Variants in ROBO2 observed in about 807,000 individuals in gnomAD.
ROBO2 encodes the protein roundabout homolog 2.
Under a neutral mutation model 160.8 loss-of-function variants are expected in ROBO2, and 53 were observed. The observed-to-expected ratio is 0.33, with a 90% CI of 0.26 to 0.41. The LOEUF is 0.41. Ranked by LOEUF, ROBO2 falls within the 10% of genes least tolerant of loss-of-function variation. ROBO2 has a pLI of 1.00. For synonymous variants in ROBO2, 664 were observed against 611.7 expected (o/e 1.09, Z -1.26); for missense variants, 1,577 against 1,722.4 (o/e 0.92, Z 1.49).
chr3:76,521,028 T>G (rs559802957), intron 2 of ROBO2, among the ~76,000 whole-genome samples: 2 of 150,818 alleles, frequency 1.3e-5, no homozygotes, highest in Non-Finnish European at 2.9e-5. Context: ...AAAAAACAGT[T>G]GCAACAAAAA....
chr3:77,167,360 T>C (rs1017608828), intron 2 of ROBO2, among the ~76,000 whole-genome samples: 13 of 152,166 alleles, frequency 8.5e-5, no homozygotes, highest in Non-Finnish European at 1.0e-4. Context: ...GTAGAAAATA[T>C]AGTATAAAAA....
chr3:76,994,121 A>G (rs2060854159), intron 2 of ROBO2, among the ~76,000 whole-genome samples: 1 of 151,846 alleles, frequency 6.6e-6, no homozygotes, highest in African/African-American at 2.4e-5. Context: ...AAAGCTGGTA[A>G]ATGAGTGCAC....
intron 2 of ROBO2, among the ~76,000 whole-genome samples, chr3:76,399,621 G>A (rs1015779736): frequency 6.6e-6 from 1 of 151,680 alleles, no homozygotes; most frequent in African/African-American, 2.4e-5. Context: ...GTGGAAAAGA[G>A]ATGCAAAAGC....
intron 2 of ROBO2, among the ~76,000 whole-genome samples, chr3:76,402,162 G>C (rs1014377077): frequency 2.0e-5 from 3 of 151,360 alleles, no homozygotes; most frequent in Admixed American, 6.6e-5. Flanking sequence ...ATTTATTTCT[G>C]TTTGCCTAAA....
At chr3:77,454,216 A>G (rs2081391613) in intron 2 of ROBO2, among the ~76,000 whole-genome samples, 1 of 151,420 alleles carries the variant, frequency 6.6e-6, no homozygotes, top group South Asian at 2.1e-4. Flanking sequence ...TGATATTTTA[A>G]TGGTTACTGT....
At chr3:76,441,766 T>C (rs564713300) in intron 2 of ROBO2, among the ~76,000 whole-genome samples, 1 of 152,202 alleles carries the variant, frequency 6.6e-6, no homozygotes, top group Non-Finnish European at 1.5e-5. Flanking sequence ...AATTTTCATG[T>C]TAATAATAAG....
chr3:75,982,538 T>G (rs2065307855), intron 2 of ROBO2, among the ~76,000 whole-genome samples: 1 of 151,676 alleles, frequency 6.6e-6, no homozygotes, highest in Non-Finnish European at 1.5e-5. Context: ...GTTGAACATC[T>G]TTTCATAGGC....
At chr3:76,322,381 C>A (rs1440158274) in intron 2 of ROBO2, among the ~76,000 whole-genome samples, 1 of 151,490 alleles carries the variant, frequency 6.6e-6, no homozygotes, top group African/African-American at 2.4e-5. Context: ...ATCATTTTTA[C>A]AGACATTTCA....
At chr3:77,295,680 G>C (rs1259422687) in intron 2 of ROBO2, among the ~76,000 whole-genome samples, 1 of 148,598 alleles carries the variant, frequency 6.7e-6, no homozygotes, top group Non-Finnish European at 1.5e-5. Context: ...AAAATTGATG[G>C]TTAAACGGGA....
At chr3:75,959,580 A>G (rs1382593003) in intron 2 of ROBO2, among the ~76,000 whole-genome samples, 2 of 151,762 alleles carry the variant, frequency 1.3e-5, no homozygotes, top group African/African-American at 2.4e-5. Flanking sequence ...CTTCAGTATT[A>G]CACTTGCTTA....
chr3:77,040,092 C>A lies in ROBO2; in HGVS notation c.-694C>A. The A allele has an allele frequency of 1.0e-6, 1 of 983,198 alleles. No individual in the cohort carries two copies. Among genetic ancestry groups the A allele is most frequent in the South Asian group, 4.7e-5 (1 of 21,222 alleles). 60.9% of individuals were successfully genotyped at this position (983,198 alleles called of 1,614,324 possible). A position where few individuals can be genotyped will look rare whatever the true frequency, so the allele number is the denominator to read the frequency against. ...CCTCCCTCGCTCCTTCCCTGCCTCCCTCACCACGTAGGAGTTCGGATTCTC... is the reference window on the plus strand; with the variant it reads ...CCTCCCTCGCTCCTTCCCTGCCTCCATCACCACGTAGGAGTTCGGATTCTC... On this transcript the variant is annotated 5_prime_UTR_variant, in exon 1 of 26. Transcript: ENST00000461745.
intron 2 of ROBO2, among the ~76,000 whole-genome samples, chr3:76,052,852 C>A (rs1299309984): frequency 6.6e-6 from 1 of 151,994 alleles, no homozygotes; most frequent in East Asian, 1.9e-4. Flanking sequence ...ATAAAGTCAT[C>A]ACCTTCAAAA....
rs182176431 is a variant in ROBO2 at position 76,762,164 on chromosome 3, T to C, written c.110-335850T>C. Among the ~76,000 whole-genome samples the C allele has an allele frequency of 7.3e-3, 1,111 of 151,712 alleles. 18 individuals carry two copies. The highest frequency in any genetic ancestry group is 8.6e-3 in the Non-Finnish European group (583 of 67,716). ...TGGATTTTTTAAGCATTTAGACAATTAGAACTAAAGATGGAACAGAAATTC... is the reference window on the plus strand; with the variant it reads ...TGGATTTTTTAAGCATTTAGACAATCAGAACTAAAGATGGAACAGAAATTC... On this transcript the variant is annotated intron_variant, in intron 2 of 26. Coordinates refer to the ROBO2 transcript ENST00000487694.
At chr3:77,176,500 G>A (rs887077507) in intron 2 of ROBO2, among the ~76,000 whole-genome samples, 6 of 151,906 alleles carry the variant, frequency 3.9e-5, no homozygotes, top group African/African-American at 1.4e-4. Context: ...TATAATGGAA[G>A]TCAATAGATA....
rs370053493 is a variant in ROBO2, at chr3:76,554,170, G to T, written c.110-543844G>T. On this transcript the variant is annotated intron_variant, in intron 2 of 26. Coordinates refer to the ROBO2 transcript ENST00000487694. ...AACATATTGTATAACTTGTTTGAAA[G>T]AATGAGCTACATCTATGGACATAAT... Among the ~76,000 whole-genome samples, 41 of 152,274 alleles carry T rather than the reference G, an allele frequency of 2.7e-4. 2 individuals are homozygous for T. The South Asian group carries it at 2.7e-3, about 10-fold the overall frequency.
chr3:76,472,279 G>T (rs1478691953), intron 2 of ROBO2, among the ~76,000 whole-genome samples: 2 of 151,984 alleles, frequency 1.3e-5, no homozygotes, highest in Non-Finnish European at 1.5e-5. Flanking sequence ...TATATATAAA[G>T]TCTCAAATAT....
chr3:76,538,678 C>T (rs987962296), intron 2 of ROBO2, among the ~76,000 whole-genome samples: 1 of 152,142 alleles, frequency 6.6e-6, no homozygotes, highest in African/African-American at 2.4e-5. Context: ...TATAAATAAA[C>T]CCGTCACTGT....
chr3:77,255,230 G>T (rs191550844), intron 2 of ROBO2, among the ~76,000 whole-genome samples: 1 of 152,282 alleles, frequency 6.6e-6, no homozygotes, highest in African/African-American at 2.4e-5. Context: ...AAAATGTTGA[G>T]CAAGCCTTTC....
chr3:76,502,161 G>A (rs1230745913), intron 2 of ROBO2, among the ~76,000 whole-genome samples: 4 of 152,140 alleles, frequency 2.6e-5, no homozygotes, highest in African/African-American at 9.7e-5. Flanking sequence ...GGACAATGCA[G>A]AGACAGCCCA....
Sources: allele counts gnomAD v4.1 joint callset (sites outside exome capture counted in the v4.1 genomes callset), GRCh38; gene constraint gnomAD v4.1.1; transcripts MANE v1.5; gene names NCBI Gene and HGNC (gene_info 2026-07-23, HGNC 2026-07-21).